Variants in SPATS2 observed in about 807,000 individuals in gnomAD.
SPATS2 encodes the protein spermatogenesis associated serine rich 2.
Under a neutral mutation model 63.7 loss-of-function variants are expected in SPATS2, and 38 were observed. The ratio of observed to expected loss-of-function variants is 0.60; its 90% confidence interval spans 0.46 to 0.78. SPATS2 has a LOEUF of 0.78. Among genes scored for constraint, SPATS2 ranks in the 30% least tolerant of loss-of-function variants. The pLI is 0.00. For synonymous variants in SPATS2, 207 were observed against 232.9 expected (o/e 0.89, Z 1.01); for missense variants, 588 against 666.2 (o/e 0.88, Z 1.29).
intron 2 of SPATS2, among the ~76,000 whole-genome samples, chr12:49,447,628 G>T (rs766705240): frequency 2.6e-5 from 4 of 152,038 alleles, no homozygotes; most frequent in South Asian, 4.1e-4. Flanking sequence ...GTGCTTTTTT[G>T]TGTGTGTGTG....
chr12:49,484,448 T>C (rs1946255045), intron 3 of SPATS2, 142 bp from the exon 4 acceptor site: 1 of 627,326 alleles, frequency 1.6e-6, no homozygotes, highest in Non-Finnish European at 2.8e-6. Flanking sequence ...TTATATGTTA[T>C]CTATGTAACA....
intron 9 of SPATS2, among the ~76,000 whole-genome samples, chr12:49,507,505 C>CT (rs1565756429): frequency 6.6e-6 from 1 of 151,978 alleles, no homozygotes; most frequent in African/African-American, 2.4e-5. Flanking sequence ...TTTGTTTTTC[C>CT]TTTTTTTAAA....
chr12:49,382,769 A>G (rs1430627684), intron 2 of SPATS2, among the ~76,000 whole-genome samples: 7 of 152,152 alleles, frequency 4.6e-5, no homozygotes, highest in East Asian at 1.9e-4. Context: ...CAATGGCGCT[A>G]TCTCTGCTCA....
intron 2 of SPATS2, among the ~76,000 whole-genome samples, chr12:49,425,755 A>G (rs938865295): frequency 6.6e-6 from 1 of 151,902 alleles, no homozygotes; most frequent in East Asian, 1.9e-4. Flanking sequence ...TCAGCCTCCC[A>G]AGTAGCTGGG....
At chr12:49,420,793 A>T (rs11615316) in intron 2 of SPATS2, among the ~76,000 whole-genome samples, 14,014 of 152,162 alleles carry the variant, frequency 0.092, 753 homozygotes, top group African/African-American at 0.14. Context: ...TGAAATGATC[A>T]CTTGAGGCCA....
At chr12:49,482,386 C>G (rs1033639261) in intron 3 of SPATS2, among the ~76,000 whole-genome samples, 5 of 152,148 alleles carry the variant, frequency 3.3e-5, no homozygotes, top group Non-Finnish European at 7.4e-5. Context: ...TGAGTGTGTC[C>G]TTTGGCCAAA....
intron 3 of SPATS2, among the ~76,000 whole-genome samples, chr12:49,472,438 C>T (rs1298593587): frequency 6.6e-6 from 1 of 150,520 alleles, no homozygotes; most frequent in Non-Finnish European, 1.5e-5. Context: ...TTAAAAGGCA[C>T]AATTAAGAGA....
In SPATS2 at chr12:49,522,925, C is replaced by A. The variant is rs940783297; in HGVS notation, c.1111+72C>A. The A allele has an allele frequency of 1.4e-5, 18 of 1,282,158 alleles. No homozygotes were observed. The Admixed American group carries it at 1.9e-4, about 14-fold the overall frequency. 79.4% of individuals were successfully genotyped at this position (1,282,158 alleles called of 1,614,324 possible). Reference sequence around the variant, plus strand: ...TAGAGACTGACGTGCTGATTGTCTTCACCACTGATTCCTCATTAGTGCCTC... The same window carrying A: ...TAGAGACTGACGTGCTGATTGTCTTAACCACTGATTCCTCATTAGTGCCTC... On this transcript the variant is annotated intron_variant, in intron 12 of 13. Transcript: ENST00000552918.
intron 2 of SPATS2, among the ~76,000 whole-genome samples, chr12:49,401,947 C>T (rs1944612369): frequency 6.6e-6 from 1 of 151,668 alleles, no homozygotes; most frequent in African/African-American, 2.4e-5. Flanking sequence ...ATCCACCTGC[C>T]TGGCCTAGTT....
At chr12:49,482,237 C>T (rs538203509) in intron 3 of SPATS2, among the ~76,000 whole-genome samples, 3 of 152,290 alleles carry the variant, frequency 2.0e-5, no homozygotes, top group Admixed American at 2.0e-4. Context: ...CTATGTAGAC[C>T]ATCTCAGTGC....
intron 2 of SPATS2, among the ~76,000 whole-genome samples, chr12:49,380,599 G>T (rs542286209): frequency 6.6e-6 from 1 of 152,132 alleles, no homozygotes; most frequent in East Asian, 1.9e-4. Flanking sequence ...CCAGCTACTT[G>T]AGAGGCTGAG....
Position 49,524,820 on chromosome 12 carries a change from AG to A in SPATS2, c.1251del (p.Asn419ThrfsTer11), listed in dbSNP as rs760208141. On this transcript the variant is annotated frameshift_variant, in exon 13 of 14. Transcript: ENST00000552918. LOFTEE classifies it high-confidence loss of function. ...ASPPSLTSANKKNFAPGETPA... is the reference protein window; with the variant it reads ...ASPPSLTSANXKNFAPGETPA... The stretch of plus-strand genomic sequence containing the variant: ...CCTCCCAGCCTTACAAGTGCTAACA[AG>A]AAAAACTTTGCACCGGGAGAGACTC... 2 of 1,614,154 alleles carry A rather than the reference AG, an allele frequency of 1.2e-6. No individual in the cohort carries two copies. The highest frequency in any genetic ancestry group is 8.5e-7 in the Non-Finnish European group (1 of 1,180,008).
At chr12:49,421,416 CAAAAAAAAAAAAAAA>C (rs71080195) in intron 2 of SPATS2, among the ~76,000 whole-genome samples, 2 of 52,108 alleles carry the variant, frequency 3.8e-5, no homozygotes, top group South Asian at 2.3e-3. Flanking sequence ...GACTTTGTCT[CAAAAAAAAAAAAAAA>C]AAAAAAAAAA....
chr12:49,491,578 C>G (rs183327818), intron 6 of SPATS2, among the ~76,000 whole-genome samples: 2 of 151,992 alleles, frequency 1.3e-5, no homozygotes, highest in South Asian at 2.1e-4. Context: ...GCAGAGGGGT[C>G]TGATGTTCCA....
chr12:49,435,481 G>A (rs530937752), intron 2 of SPATS2, among the ~76,000 whole-genome samples: 2 of 151,500 alleles, frequency 1.3e-5, no homozygotes, highest in South Asian at 4.2e-4. Context: ...ACACGCCAGT[G>A]CGCCTGGCTA....
intron 3 of SPATS2, among the ~76,000 whole-genome samples, chr12:49,474,492 AG>A (rs1263967301): frequency 6.6e-6 from 1 of 152,224 alleles, no homozygotes; most frequent in Non-Finnish European, 1.5e-5. Context: ...ATGGGTGGAG[AG>A]GGAAAGCATT....
intron 2 of SPATS2, among the ~76,000 whole-genome samples, chr12:49,399,412 A>G (rs1592360110): frequency 6.6e-6 from 1 of 152,338 alleles, no homozygotes. Flanking sequence ...TAGAAAAGAG[A>G]AATAAGCCCA....
rs574286890 is a variant in SPATS2, at chr12:49,505,468, A to AT, written c.839+5270dup. On this transcript the variant is annotated intron_variant, in intron 9 of 13. Transcript: ENST00000552918. ...GAAATGTTTTAGGTTTTTTATTTTT[A>AT]TTTTTTTCAGATTTTGGAATGTCTG... Among the ~76,000 whole-genome samples, 72 of 152,062 alleles carry AT rather than the reference A, an allele frequency of 4.7e-4. No individual in the cohort carries two copies. In the South Asian group the frequency reaches 0.012, roughly 26 times the overall value.
At chr12:49,429,682 C>T (rs1945144448) in intron 2 of SPATS2, among the ~76,000 whole-genome samples, 1 of 151,876 alleles carries the variant, frequency 6.6e-6, no homozygotes, top group African/African-American at 2.4e-5. Context: ...TCTTGAACTC[C>T]TGACCTCAAG....
Sources: allele counts gnomAD v4.1 joint callset (sites outside exome capture counted in the v4.1 genomes callset), GRCh38; gene constraint gnomAD v4.1.1; transcripts MANE v1.5; gene names NCBI Gene and HGNC (gene_info 2026-07-23, HGNC 2026-07-21).